The following RXFP2 variants were observed in gnomAD, a reference collection of about 807,000 sequenced individuals.
The protein encoded by RXFP2 is relaxin receptor 2.
RXFP2 carries 68 observed loss-of-function variants against 88.6 expected under a neutral mutation model. The ratio of observed to expected loss-of-function variants is 0.77; its 90% CI spans 0.63 to 0.94. The LOEUF is 0.94. RXFP2 is among the 40% of genes least tolerant of loss of function. The pLI is 0.00. For synonymous variants in RXFP2, 329 were observed against 306.8 expected, an observed-to-expected ratio of 1.07 and a Z score of -0.76; for missense variants, 791 against 893.9, an observed-to-expected ratio of 0.88 and a Z score of 1.47.
Position 31,778,507 on chromosome 13 carries a change from T to C in RXFP2, c.714-5T>C, listed in dbSNP as rs1182340020. On this transcript the variant is annotated splice_polypyrimidine_tract_variant and splice_region_variant and intron_variant, in intron 8 of 17. Transcript: ENST00000298386. ...ATTTCTAATTAACATTTTCTTTGTG[T>C]AAAGGTCTATGGTTAATAACTACTT... 1.3e-6 allele frequency: 2 copies of C among 1,590,668 alleles called. No individual in the cohort carries two copies. The highest frequency in any genetic ancestry group is 2.7e-5 in the African/African-American group (2 of 74,412).
intron 1 of RXFP2, among the ~76,000 whole-genome samples, chr13:31,746,693 T>C (rs1326707477): frequency 1.3e-5 from 2 of 149,970 alleles, no homozygotes; most frequent in Non-Finnish European, 3.0e-5. Flanking sequence ...GAATAGGTCA[T>C]TGCCTCTTTC....
intron 13 of RXFP2, among the ~76,000 whole-genome samples, chr13:31,788,350 T>C (rs553350308): frequency 6.6e-6 from 1 of 152,236 alleles, no homozygotes; most frequent in South Asian, 2.1e-4. Context: ...ATCAGACATA[T>C]TTCAAAATAA....
Position 31,757,252 on chromosome 13 carries a change from A to G in RXFP2, c.95-1006A>G, listed in dbSNP as rs1022200452. Among the ~76,000 whole-genome samples, 243 of 152,296 alleles carry G rather than the reference A, an allele frequency of 1.6e-3. 2 individuals carry two copies. Among genetic ancestry groups the G allele is most frequent in the Non-Finnish European group, 4.1e-4 (28 of 68,024 alleles). ...AATTGATTGATAGTCTCATAGTGCAATGGCTAAGGGTGGGCCTATGGGGTC... is the reference window on the plus strand; with the variant it reads ...AATTGATTGATAGTCTCATAGTGCAGTGGCTAAGGGTGGGCCTATGGGGTC... On this transcript the variant is annotated intron_variant, in intron 1 of 17. Coordinates refer to ENST00000298386, the MANE Select transcript of RXFP2 (RefSeq NM_130806.5).
chr13:31,775,477 T>G, intron 7 of RXFP2, 88 bp downstream of exon 7: 1 of 978,560 alleles, frequency 1.0e-6, no homozygotes, highest in Non-Finnish European at 1.7e-6. Flanking sequence ...CTATTTGACA[T>G]ATCTTATTTT....
At chr13:31,787,727 C>T (rs971687986) in intron 13 of RXFP2, among the ~76,000 whole-genome samples, 2 of 152,202 alleles carry the variant, frequency 1.3e-5, no homozygotes, top group Non-Finnish European at 2.9e-5. Context: ...GCAACCTCCG[C>T]CTCCCGGCTT....
chr13:31,763,055 A>G (rs1280699496), intron 3 of RXFP2, among the ~76,000 whole-genome samples: 1 of 151,102 alleles, frequency 6.6e-6, no homozygotes, highest in Non-Finnish European at 1.5e-5. Flanking sequence ...CAGTGCCTGC[A>G]AAGAACGTTT....
chr13:31,779,187 G>A (rs1460057864), intron 9 of RXFP2, among the ~76,000 whole-genome samples: 1 of 149,032 alleles, frequency 6.7e-6, no homozygotes, highest in Non-Finnish European at 1.5e-5. Flanking sequence ...GTGCAGTGGT[G>A]CGATCTCGGC....
At chr13:31,793,353 G>A (rs1019872851) in intron 16 of RXFP2, among the ~76,000 whole-genome samples, 1 of 151,334 alleles carries the variant, frequency 6.6e-6, no homozygotes, top group African/African-American at 2.4e-5. Context: ...TTGATTTCAT[G>A]TTTATATGAA....
chr13:31,764,678 G>A (rs544389346), intron 3 of RXFP2, among the ~76,000 whole-genome samples: 5 of 150,544 alleles, frequency 3.3e-5, no homozygotes, highest in African/African-American at 7.2e-5. Flanking sequence ...CTATTCAAAT[G>A]AATTGACTCA....
chr13:31,772,678 T>C (rs907338063), intron 5 of RXFP2, among the ~76,000 whole-genome samples: 1 of 152,106 alleles, frequency 6.6e-6, no homozygotes, highest in Non-Finnish European at 1.5e-5. Context: ...GGGACTACAG[T>C]TCTCTATGGG....
chr13:31,777,541 C>A, intron 8 of RXFP2, 94 bp downstream of exon 8: 2 of 963,462 alleles, frequency 2.1e-6, no homozygotes, highest in East Asian at 2.6e-5. Flanking sequence ...AAATCAAGCC[C>A]ACAAAAATTT....
rs1411687407 is a variant in RXFP2, at chr13:31,758,411, G to T, written c.241+7G>T. On this transcript the variant is annotated splice_region_variant and intron_variant, in intron 2 of 17. Coordinates refer to ENST00000298386, the MANE Select transcript of RXFP2 (RefSeq NM_130806.5). ...GCGGACGAAGAGAACTGTGGTGAGT[G>T]CTCCCCTCGGCTCCCCATGTGTGCC... is the stretch of plus-strand genomic sequence containing the variant. 1 of 1,613,888 alleles carries T rather than the reference G, an allele frequency of 6.2e-7. No homozygotes were observed. Among genetic ancestry groups the T allele is most frequent in the South Asian group, 1.1e-5 (1 of 91,078 alleles).
intron 16 of RXFP2, 69 bp from the exon 17 acceptor site, chr13:31,797,132 A>G (rs921808108): frequency 2.7e-6 from 3 of 1,111,860 alleles, no homozygotes; most frequent in Admixed American, 3.4e-5. Context: ...GGGATACTCA[A>G]CCTGTACCAC....
intron 8 of RXFP2, among the ~76,000 whole-genome samples, 157 bp from the exon 9 acceptor site, chr13:31,778,355 T>C (rs1018493244): frequency 1.3e-5 from 2 of 152,220 alleles, no homozygotes; most frequent in African/African-American, 4.8e-5. Context: ...ATCTTTGCCA[T>C]ACACATGTTT....
At chr13:31,763,239 C>A (rs909267571) in intron 3 of RXFP2, among the ~76,000 whole-genome samples, 1 of 152,034 alleles carries the variant, frequency 6.6e-6, no homozygotes, top group Non-Finnish European at 1.5e-5. Flanking sequence ...CATGCACCAC[C>A]ATGCCTGGCT....
Position 31,791,957 on chromosome 13 carries a change from A to T in RXFP2, c.1297A>T (p.Asn433Tyr). 1 of 1,614,176 alleles carries T rather than the reference A, an allele frequency of 6.2e-7. No individual in the cohort carries two copies. Among genetic ancestry groups the T allele is most frequent in the Non-Finnish European group, 8.5e-7 (1 of 1,180,010 alleles). The part of the protein sequence containing the change: ...WVIAFITCFG[N>Y]LFVIGMRSFI... ...TATAGCTTTCATTACCTGCTTTGGAAATCTTTTTGTCATTGGCATGAGATC... is the reference window on the plus strand; with the variant it reads ...TATAGCTTTCATTACCTGCTTTGGATATCTTTTTGTCATTGGCATGAGATC... The change falls in exon 15 of 18, where the codon AAT (asparagine) becomes TAT (tyrosine). Residue 433 changes from asparagine to tyrosine, a missense_variant. Physicochemically the swap from Asn to Tyr is moderately radical, Grantham distance 143. Coordinates refer to ENST00000298386, the MANE Select transcript of RXFP2 (RefSeq NM_130806.5).
intron 17 of RXFP2, 110 bp downstream of exon 17, chr13:31,797,529 C>T (rs1396803335): frequency 1.2e-6 from 1 of 810,600 alleles, no homozygotes; most frequent in Non-Finnish European, 2.1e-6. Flanking sequence ...AAAACCAATA[C>T]AAAGTTATTT....
intron 5 of RXFP2, among the ~76,000 whole-genome samples, chr13:31,771,848 G>A (rs545517310): frequency 1.5e-4 from 22 of 151,676 alleles, no homozygotes; most frequent in Non-Finnish European, 3.2e-4. Context: ...ACGAAACCGT[G>A]GGGACTGTTG....
chr13:31,772,745 A>G (rs1872778337), intron 5 of RXFP2, among the ~76,000 whole-genome samples: 2 of 152,194 alleles, frequency 1.3e-5, no homozygotes, highest in Non-Finnish European at 2.9e-5. Context: ...TAAGAGTTTG[A>G]GTTTTAACTG....
Sources: allele counts gnomAD v4.1 joint callset (sites outside exome capture counted in the v4.1 genomes callset), GRCh38; gene constraint gnomAD v4.1.1; transcripts MANE v1.5; gene names NCBI Gene and HGNC (gene_info 2026-07-23, HGNC 2026-07-21).